KCNJ3: variants seen among roughly 807,000 people sequenced by gnomAD.
KCNJ3 encodes potassium inwardly rectifying channel subfamily J member 3.
KCNJ3 carries 4 observed loss-of-function variants against 39.2 expected under a neutral mutation model. That is an observed-to-expected ratio of 0.10 (90% CI 0.05 to 0.23). The LOEUF is 0.23. KCNJ3 is among the 10% of genes least tolerant of loss of function. The probability of loss-of-function intolerance (pLI) is 1.00; values close to 1 mark genes in which losing one functional copy is unlikely to be tolerated. For synonymous variants in KCNJ3, 230 were observed against 237.4 expected, an observed-to-expected ratio of 0.97 and a Z score of 0.29; for missense variants, 276 against 634.9, an observed-to-expected ratio of 0.43 and a Z score of 6.08.
chr2:154,751,833 C>T (rs1000112916), intron 2 of KCNJ3, among the ~76,000 whole-genome samples: 3 of 151,966 alleles, frequency 2.0e-5, no homozygotes, highest in Non-Finnish European at 4.4e-5. Flanking sequence ...AGTGTCTTCA[C>T]ATACTTTTCC....
chr2:154,754,197 AT>A (rs1685898700), intron 2 of KCNJ3, among the ~76,000 whole-genome samples: 1 of 152,256 alleles, frequency 6.6e-6, no homozygotes. Context: ...TATGACATTA[AT>A]GTGATAAATA....
intron 2 of KCNJ3, among the ~76,000 whole-genome samples, chr2:154,773,301 A>T (rs1488018276): frequency 1.3e-5 from 2 of 152,170 alleles, no homozygotes; most frequent in Admixed American, 1.3e-4. Context: ...TGCTGAGATT[A>T]GTACCAAAAT....
intron 2 of KCNJ3, among the ~76,000 whole-genome samples, chr2:154,745,833 GGT>G (rs1474545489): frequency 3.9e-5 from 6 of 152,004 alleles, no homozygotes; most frequent in African/African-American, 1.4e-4. Flanking sequence ...AACAGAGAAA[GGT>G]GAAGTACCAC....
At chr2:154,729,134 C>T (rs1312742668) in intron 2 of KCNJ3, among the ~76,000 whole-genome samples, 1 of 152,102 alleles carries the variant, frequency 6.6e-6, no homozygotes, top group Non-Finnish European at 1.5e-5. Context: ...GAGATTACAA[C>T]ACATTTACAA....
At chr2:154,732,145 G>A (rs1685458581) in intron 2 of KCNJ3, among the ~76,000 whole-genome samples, 1 of 151,930 alleles carries the variant, frequency 6.6e-6, no homozygotes, top group Non-Finnish European at 1.5e-5. Context: ...AAAAAGTACT[G>A]GAAATACAAT....
intron 2 of KCNJ3, among the ~76,000 whole-genome samples, chr2:154,743,764 A>G (rs764605027): frequency 3.3e-5 from 5 of 151,570 alleles, no homozygotes; most frequent in Non-Finnish European, 7.4e-5. Flanking sequence ...AAATCATGCA[A>G]TCTCCAAAAA....
At chr2:154,768,115 A>T (rs1482136659) in intron 2 of KCNJ3, among the ~76,000 whole-genome samples, 1 of 151,734 alleles carries the variant, frequency 6.6e-6, no homozygotes, top group Non-Finnish European at 1.5e-5. Flanking sequence ...GATTGCAAAA[A>T]TTTTCTCCCG....
At position 154,726,657 on chromosome 2, in the gene KCNJ3, A is replaced by G. The variant is rs185180467; in HGVS notation, c.919+16838A>G. Among the ~76,000 whole-genome samples, 570 of 152,190 alleles carry G rather than the reference A, an allele frequency of 3.7e-3. 1 individual carries two copies. Among genetic ancestry groups the G allele is most frequent in the African/African-American group, 0.013 (534 of 41,534 alleles). On this transcript the variant is annotated intron_variant, in intron 2 of 2. Coordinates refer to ENST00000295101, the MANE Select transcript of KCNJ3 (RefSeq NM_002239.4). ...GTCATTATAAGAAAAAGATATTTGCACATGCATGTTTATAGCAAGCAGCAC... is the reference window on the plus strand; with the variant it reads ...GTCATTATAAGAAAAAGATATTTGCGCATGCATGTTTATAGCAAGCAGCAC...
intron 2 of KCNJ3, among the ~76,000 whole-genome samples, chr2:154,816,099 C>T (rs541985352): frequency 6.6e-6 from 1 of 152,094 alleles, no homozygotes; most frequent in Non-Finnish European, 1.5e-5. Context: ...AGTAGATTCG[C>T]AAAACTGTGA....
intron 2 of KCNJ3, among the ~76,000 whole-genome samples, chr2:154,783,634 C>T (rs1331279226): frequency 6.6e-6 from 1 of 152,080 alleles, no homozygotes; most frequent in Non-Finnish European, 1.5e-5. Context: ...TACAAGCATT[C>T]CCATTTTATG....
At chr2:154,738,425 A>G (rs1685588242) in intron 2 of KCNJ3, among the ~76,000 whole-genome samples, 1 of 152,208 alleles carries the variant, frequency 6.6e-6, no homozygotes, top group Non-Finnish European at 1.5e-5. Context: ...CTGTAACTGA[A>G]TTGTTTGTAA....
At position 154,854,981 on chromosome 2, in the gene KCNJ3, C is replaced by A; in HGVS notation, c.1174C>A (p.Leu392Ile). 1 of 1,613,842 alleles carries A rather than the reference C, an allele frequency of 6.2e-7. No homozygotes were observed. Among genetic ancestry groups the A allele is most frequent in the Non-Finnish European group, 8.5e-7 (1 of 1,179,800 alleles). Residue 392 changes from leucine (L) to isoleucine (I), a missense_variant, in exon 3 of 3, where the codon CTA (leucine) becomes ATA (isoleucine). Leu to Ile is a conservative substitution (Grantham distance 5). This residue lies in a region of KCNJ3 where 126 missense variants were observed against 179.8 expected (regional missense o/e 0.70). Transcript: ENST00000295101. ...TAATTCTGTGGAATGCTTAGATGGA[C>A]TAGATGATATTACTACAAAACTACC... ...RHNSVECLDG[L>I]DDITTKLPSK...
At chr2:154,726,763 T>TACAC (rs71837806) in intron 2 of KCNJ3, among the ~76,000 whole-genome samples, 1 of 145,866 alleles carries the variant, frequency 6.9e-6, no homozygotes, top group Non-Finnish European at 1.5e-5. Flanking sequence ...TATATATATA[T>TACAC]ACACACACAC....
At chr2:154,735,179 C>T (rs939407599) in intron 2 of KCNJ3, among the ~76,000 whole-genome samples, 1 of 151,988 alleles carries the variant, frequency 6.6e-6, no homozygotes, top group Non-Finnish European at 1.5e-5. Flanking sequence ...CTCCGCCTCC[C>T]AGGTTCACAC....
Position 154,709,815 on chromosome 2 carries a change from A to C in KCNJ3, c.915A>C (p.Thr305=). The C allele has an allele frequency of 6.2e-7, 1 of 1,613,684 alleles. No individual in the cohort carries two copies. Residue 305 remains threonine (T), a synonymous_variant, in exon 2 of 3, where the codon ACA becomes ACC. Coordinates refer to ENST00000295101, the MANE Select transcript of KCNJ3 (RefSeq NM_002239.4). The stretch of plus-strand genomic sequence containing the variant: ...TCATCCTAGAAGGCATTGTGGAAAC[A>C]ACTGGTGAGTAAAAACAGATATGCC... ...IVVILEGIVE[T]TGMTCQARTS...
rs185200461 is a variant in KCNJ3 at position 154,841,204 on chromosome 2, G to T, written c.920-13523G>T. 2.0e-4 allele frequency among the ~76,000 whole-genome samples: 31 copies of T among 152,228 alleles called. No homozygotes were observed. The East Asian group carries it at 5.8e-3, about 28-fold the overall frequency. On this transcript the variant is annotated intron_variant, in intron 2 of 2. Transcript: ENST00000295101. ...TTATTGAGATAATCATGTGGTTTTT[G>T]TCATTGGTTCTGTTTATGTGATGGA...
intron 2 of KCNJ3, among the ~76,000 whole-genome samples, chr2:154,718,495 A>G (rs1488358375): frequency 6.6e-6 from 1 of 152,184 alleles, no homozygotes; most frequent in East Asian, 1.9e-4. Flanking sequence ...AAAACCAAGA[A>G]AGTCCTGTGC....
chr2:154,841,391 C>CTCT (rs542207884), intron 2 of KCNJ3, among the ~76,000 whole-genome samples: 2 of 152,166 alleles, frequency 1.3e-5, no homozygotes, highest in East Asian at 3.9e-4. Context: ...ATCTAAAATT[C>CTCT]TCTTTTTTTG....
intron 2 of KCNJ3, among the ~76,000 whole-genome samples, chr2:154,714,846 T>G (rs1685157160): frequency 6.6e-6 from 1 of 152,224 alleles, no homozygotes; most frequent in Admixed American, 6.5e-5. Flanking sequence ...GTATGGATAC[T>G]TATGTAATGT....
Sources: allele counts gnomAD v4.1 joint callset (sites outside exome capture counted in the v4.1 genomes callset), GRCh38; gene constraint gnomAD v4.1.1; regional missense constraint gnomAD v4.1.1; transcripts MANE v1.5; gene names NCBI Gene and HGNC (gene_info 2026-07-23, HGNC 2026-07-21).